AFF2: variants seen among roughly 807,000 people sequenced by gnomAD.
AFF2 encodes the protein AF4/FMR2 family member 2.
AFF2 carries 14 observed loss-of-function variants against 76.9 expected under a neutral mutation model. The observed-to-expected ratio is 0.18, with a 90% CI of 0.12 to 0.28. The LOEUF is 0.28. AFF2 is among the 10% of genes least tolerant of loss of function. The pLI is 1.00. For missense variants in AFF2, 868 were observed against 1,001.1 expected (o/e 0.87, Z 1.79); for synonymous variants, 398 against 366.7 (o/e 1.09, Z -0.98).
chrX:148,652,680 G>A (rs868971376), intron 2 of AFF2, among the ~76,000 whole-genome samples: 1 of 111,601 alleles, frequency 9.0e-6, no homozygotes, highest in African/African-American at 3.3e-5. Flanking sequence ...TCAACCAGAG[G>A]GGGGTAGTAT....
intron 3 of AFF2, among the ~76,000 whole-genome samples, chrX:148,665,737 A>G (rs1439391938): frequency 2.7e-5 from 3 of 112,003 alleles, no homozygotes; most frequent in Non-Finnish European, 5.6e-5. Flanking sequence ...GCACTTTTCA[A>G]AAGCACTTAG....
chrX:148,985,221 G>A (rs1212177164), intron 19 of AFF2, among the ~76,000 whole-genome samples: 1 of 102,638 alleles, frequency 9.7e-6, no homozygotes, highest in African/African-American at 3.6e-5. Context: ...CCTGACCTCA[G>A]GTGATCCGAC....
intron 3 of AFF2, among the ~76,000 whole-genome samples, chrX:148,736,202 C>T (rs1180792224): frequency 1.8e-5 from 2 of 112,057 alleles, no homozygotes; most frequent in Non-Finnish European, 3.8e-5. Context: ...CACTGTTTTC[C>T]ATAGTGGCTG....
At position 148,904,238 on chromosome X, in the gene AFF2, A is replaced by G; in HGVS notation, c.1377A>G (p.Lys459=). 8.7e-7 allele frequency: 1 copy of G among 1,146,650 alleles called. No individual in the cohort carries two copies. The highest frequency in any genetic ancestry group is 1.9e-5 in the South Asian group (1 of 53,864). 94.5% of individuals were successfully genotyped at this position (1,146,650 alleles called of 1,213,427 possible). Residue 459 remains lysine, a synonymous_variant, in exon 9 of 21, where the codon AAA becomes AAG. Transcript: ENST00000370460. ...TELYQAVEKA[K]PRNNPVNPPL... is the part of the protein sequence containing the mutation. ...GTTTACAGGCTGTTGAAAAGGCAAA[A>G]CCTAGGAATAATCCTGTGAAGTAAG...
chrX:148,958,736 C>T (rs1216373955), intron 12 of AFF2, among the ~76,000 whole-genome samples: 2 of 111,118 alleles, frequency 1.8e-5, no homozygotes, highest in Non-Finnish European at 3.8e-5. Flanking sequence ...TCAAAACGAA[C>T]TTTTAGCACT....
At chrX:148,843,629 A>G (rs1557274487) in intron 7 of AFF2, among the ~76,000 whole-genome samples, 196 bp downstream of exon 7, 3 of 111,644 alleles carry the variant, frequency 2.7e-5, no homozygotes, top group African/African-American at 9.8e-5. Flanking sequence ...CTGCTATAAC[A>G]AATACTATAA....
chrX:148,795,012 T>C (rs2069949293), intron 3 of AFF2, among the ~76,000 whole-genome samples: 2 of 112,053 alleles, frequency 1.8e-5, no homozygotes, highest in Non-Finnish European at 3.8e-5. Context: ...ATGAAACTCA[T>C]TTTATCTTAT....
intron 7 of AFF2, among the ~76,000 whole-genome samples, chrX:148,853,926 G>A (rs1365863434): frequency 8.9e-6 from 1 of 111,990 alleles, no homozygotes; most frequent in Admixed American, 9.5e-5. Context: ...ACTTGTAGAA[G>A]AATTTGAAAA....
At chrX:148,504,738 G>A (rs1216883481) in intron 1 of AFF2, among the ~76,000 whole-genome samples, 1 of 112,687 alleles carries the variant, frequency 8.9e-6, no homozygotes, top group Non-Finnish European at 1.9e-5. Flanking sequence ...GCGGGGCAGT[G>A]CCGGAGAAGG....
chrX:148,792,770 C>T (rs1480007466), intron 3 of AFF2, among the ~76,000 whole-genome samples: 1 of 111,577 alleles, frequency 9.0e-6, no homozygotes, highest in East Asian at 2.8e-4. Context: ...CCATTGAAAG[C>T]GATCATTTTC....
chrX:148,908,456 C>T (rs1557281682), intron 9 of AFF2, among the ~76,000 whole-genome samples: 1 of 112,097 alleles, frequency 8.9e-6, no homozygotes, highest in African/African-American at 3.2e-5. Flanking sequence ...TTCGGCCGGT[C>T]CCTCCATTCG....
chrX:148,809,894 C>A lies in AFF2; in HGVS notation c.1060C>A (p.Pro354Thr), dbSNP rs782357945. The change falls in exon 4 of 21, where the codon CCA (proline) becomes ACA (threonine). Residue 354 changes from proline (P) to threonine (T), a missense_variant. By Grantham distance (38) the Pro-to-Thr change is conservative. Transcript: ENST00000370460. ...QTSEVSLPSD[P>T]SCVEEILREM... ...GTTTCAGGTAAGCCTTCCCAGTGAT[C>A]CAAGCTGTGTTGAAGAAATCTTGCG... 8.3e-7 allele frequency: 1 copy of A among 1,210,775 alleles called. No individual in the cohort carries two copies. Among genetic ancestry groups the A allele is most frequent in the East Asian group, 3.0e-5 (1 of 33,809 alleles).
At chrX:148,756,011 T>C (rs1352327749) in intron 3 of AFF2, among the ~76,000 whole-genome samples, 1 of 112,071 alleles carries the variant, frequency 8.9e-6, no homozygotes, top group Non-Finnish European at 1.9e-5. Context: ...GCCCACATCA[T>C]TGTGGAGCAA....
At chrX:148,980,707 T>C (rs782786794) in intron 18 of AFF2, 31 bp from the exon 19 acceptor site, 24 of 1,147,693 alleles carry the variant, frequency 2.1e-5, no homozygotes, top group Non-Finnish European at 2.6e-5. Flanking sequence ...TAGATGTCCT[T>C]ATTTCCCTTT....
intron 3 of AFF2, among the ~76,000 whole-genome samples, chrX:148,748,837 T>C (rs1382607930): frequency 8.9e-6 from 1 of 111,840 alleles, no homozygotes; most frequent in African/African-American, 3.3e-5. Context: ...TGAGATGAGG[T>C]TGGTTTGCAA....
In AFF2 at chrX:148,662,350, A is replaced by G. The variant is rs1186656647; in HGVS notation, c.623A>G (p.Glu208Gly). The G allele has an allele frequency of 8.3e-7, 1 of 1,210,206 alleles. No individual in the cohort carries two copies. The highest frequency in any genetic ancestry group is 1.1e-6 in the Non-Finnish European group (1 of 895,199). The change falls in exon 3 of 21, where the codon GAA becomes GGA. Residue 208 changes from glutamate (E) to glycine (G), a missense_variant. Glu to Gly is a moderately conservative substitution (Grantham distance 98, BLOSUM62 -2). This residue lies in a region of AFF2 where 196 missense variants were observed against 194.8 expected (regional missense o/e 1.01). Transcript: ENST00000370460. The part of the protein sequence containing the change: ...VYPAEQPQIG[E>G]VEESNPSAKE... ...CCAGCTGAACAGCCCCAGATTGGAG[A>G]AGTTGAAGAGTCAAACCCATCTGCA...
chrX:148,854,891 C>A (rs2070770085), intron 7 of AFF2, among the ~76,000 whole-genome samples: 1 of 111,032 alleles, frequency 9.0e-6, no homozygotes, highest in Admixed American at 9.6e-5. Context: ...GGGCCTTTTT[C>A]TTTTCTTTAT....
intron 7 of AFF2, among the ~76,000 whole-genome samples, chrX:148,852,647 C>T (rs1321929725): frequency 9.0e-6 from 1 of 111,056 alleles, no homozygotes; most frequent in Non-Finnish European, 1.9e-5. Flanking sequence ...ATTGCAACCA[C>T]CACTTTTGGA....
intron 7 of AFF2, among the ~76,000 whole-genome samples, chrX:148,850,522 A>C (rs1343471825): frequency 9.0e-6 from 1 of 110,854 alleles, no homozygotes; most frequent in Non-Finnish European, 1.9e-5. Context: ...GTGATAACAC[A>C]CCCCCACACA....
Sources: gnomAD v4.1 joint callset for allele counts (sites outside exome capture counted in the v4.1 genomes callset) on GRCh38, gnomAD v4.1.1 for gene constraint, gnomAD v4.1.1 regional missense constraint, MANE v1.5 for transcripts, NCBI Gene and HGNC (gene_info 2026-07-23, HGNC 2026-07-21) for gene names.